Variants in ERI3 observed in about 807,000 individuals in gnomAD.
The protein encoded by ERI3 is ERI1 exoribonuclease family member 3.
In ERI3, 18 loss-of-function variants were observed where a neutral mutation model predicts 44.4. The ratio of observed to expected loss-of-function variants is 0.41; its 90% confidence interval spans 0.28 to 0.60. ERI3 has a LOEUF of 0.60. Ranked by LOEUF, ERI3 falls within the 20% of genes least tolerant of loss-of-function variation. ERI3 has a pLI of 0.36. For missense variants in ERI3, 294 were observed against 435.5 expected, an observed-to-expected ratio of 0.68 and a Z score of 2.89; for synonymous variants, 183 against 164.8, an observed-to-expected ratio of 1.11 and a Z score of -0.84.
At chr1:44,285,383 T>C (rs894267262) in intron 6 of ERI3, among the ~76,000 whole-genome samples, 3 of 152,150 alleles carry the variant, frequency 2.0e-5, no homozygotes, top group East Asian at 1.9e-4. Context: ...GTTTGTTATT[T>C]TGTTACAGCA....
chr1:44,318,426 G>A (rs183344592), intron 4 of ERI3, among the ~76,000 whole-genome samples: 15 of 152,276 alleles, frequency 9.9e-5, no homozygotes, highest in African/African-American at 2.6e-4. Context: ...TCAGATTAGC[G>A]CCCCCTGGTG....
At chr1:44,344,233 C>CAATA (rs10652551) in intron 2 of ERI3, among the ~76,000 whole-genome samples, 34,200 of 142,344 alleles carry the variant, frequency 0.24, 4,239 homozygotes, top group Non-Finnish European at 0.26. Context: ...GACTCCATCT[C>CAATA]AATAAATAAA....
chr1:44,355,146 A>C lies in ERI3; in HGVS notation c.-120T>G, dbSNP rs1319717971. ...GCGGCGGCGGGCGCGGCCCGCGCCG[A>C]CTGCGGCGCCGGCCAGGCAGAGGCA... On this transcript the variant is annotated 5_prime_UTR_variant, in exon 1 of 9. Transcript: ENST00000372257. The C allele has an allele frequency of 1.6e-6, 2 of 1,219,150 alleles. No individual in the cohort carries two copies. The highest frequency in any genetic ancestry group is 6.6e-5 in the East Asian group (2 of 30,118). The allele number at this position is 1,219,150 out of a possible 1,614,324, so 75.5% of individuals were successfully genotyped here.
intron 8 of ERI3, among the ~76,000 whole-genome samples, chr1:44,240,834 C>A (rs1349630246): frequency 6.6e-6 from 1 of 152,150 alleles, no homozygotes; most frequent in Non-Finnish European, 1.5e-5. Context: ...GGTCCAGAAC[C>A]CTGCAGAAGG....
intron 7 of ERI3, chr1:44,284,165 G>A (rs745628670): frequency 4.6e-6 from 2 of 433,538 alleles, no homozygotes; most frequent in Middle Eastern, 3.8e-4. Flanking sequence ...TGCTAGGAAA[G>A]TACAGTTTTC....
At chr1:44,323,639 G>A (rs1443745790) in intron 3 of ERI3, among the ~76,000 whole-genome samples, 2 of 152,220 alleles carry the variant, frequency 1.3e-5, no homozygotes, top group Admixed American at 6.5e-5. Context: ...TGTGGAAAAT[G>A]CAATCGTTTT....
intron 5 of ERI3, among the ~76,000 whole-genome samples, chr1:44,311,630 C>G (rs2154328143): frequency 6.6e-6 from 1 of 152,230 alleles, no homozygotes; most frequent in Non-Finnish European, 1.5e-5. Context: ...ACCACATCTC[C>G]TCCTCGACTG....
Position 44,354,908 on chromosome 1 carries a change from C to T in ERI3, c.119G>A (p.Trp40Ter), listed in dbSNP as rs1447087488. 7.6e-7 allele frequency: 1 copy of T among 1,317,910 alleles called. No individual in the cohort carries two copies. The highest frequency in any genetic ancestry group is 3.0e-5 in the South Asian group (1 of 33,604). 81.6% of individuals were successfully genotyped at this position (1,317,910 alleles called of 1,614,324 possible). The change falls in exon 1 of 9, where the codon TGG (tryptophan) becomes TAG (stop). Residue 40 changes from tryptophan to a stop codon, truncating the protein, a stop_gained. Transcript: ENST00000372257. LOFTEE classifies it high-confidence loss of function. ...TLPWTWMGPSWGQHPGHWGFP... is the reference protein window; with the variant it reads ...TLPWTWMGPS ...ATCACCCACCCCGGGGTGTTGCCCC[C>T]AACTCGGGCCCATCCAAGTCCAGGG...
At position 44,273,370 on chromosome 1, in the gene ERI3, C is replaced by T. The variant is rs72891756; in HGVS notation, c.831+11465G>A. On this transcript the variant is annotated intron_variant, in intron 7 of 8. Coordinates refer to ENST00000372257, the MANE Select transcript of ERI3 (RefSeq NM_024066.3). ...AAGATACATGGTCTGGAGAAAAGAG[C>T]ACACTGACCTGGGTTCAAATGCTAG... Among the ~76,000 whole-genome samples, 989 of 152,328 alleles carry T rather than the reference C, an allele frequency of 6.5e-3. 10 individuals carry two copies. The highest frequency in any genetic ancestry group is 0.023 in the African/African-American group (955 of 41,570).
chr1:44,286,119 C>T (rs1214893909), intron 6 of ERI3, among the ~76,000 whole-genome samples: 2 of 152,096 alleles, frequency 1.3e-5, no homozygotes, highest in African/African-American at 2.4e-5. Context: ...AAGATAGATC[C>T]AAAGAAGTAA....
chr1:44,243,026 A>C (rs987924743), intron 8 of ERI3, among the ~76,000 whole-genome samples: 1 of 152,202 alleles, frequency 6.6e-6, no homozygotes, highest in African/African-American at 2.4e-5. Context: ...TCTCATGGGC[A>C]CTAATGAGAT....
intron 8 of ERI3, among the ~76,000 whole-genome samples, chr1:44,224,469 T>C (rs1248123062): frequency 6.6e-6 from 1 of 152,224 alleles, no homozygotes; most frequent in Non-Finnish European, 1.5e-5. Flanking sequence ...TTTCACCCAC[T>C]GGCTGCATAC....
At chr1:44,312,867 A>C (rs1646002947) in intron 5 of ERI3, among the ~76,000 whole-genome samples, 1 of 152,186 alleles carries the variant, frequency 6.6e-6, no homozygotes, top group Non-Finnish European at 1.5e-5. Context: ...TCCCCAGCCC[A>C]CCCAGCATAG....
chr1:44,255,620 C>A (rs1644765164), intron 7 of ERI3, among the ~76,000 whole-genome samples: 1 of 152,132 alleles, frequency 6.6e-6, no homozygotes, highest in South Asian at 2.1e-4. Context: ...TATTCTATTG[C>A]CTACCTCGAA....
At chr1:44,323,099 C>T (rs1646237770) in intron 3 of ERI3, 1 of 475,140 alleles carries the variant, frequency 2.1e-6, no homozygotes, top group East Asian at 3.9e-5. Flanking sequence ...AAAGTAGCAC[C>T]AGGAAGGAAG....
intron 8 of ERI3, 126 bp downstream of exon 8, chr1:44,247,813 A>C (rs1572104440): frequency 8.9e-5 from 47 of 528,002 alleles, no homozygotes; most frequent in South Asian, 3.5e-4. Context: ...CCATCCCCCC[A>C]CCTATGTAGA....
chr1:44,264,346 G>A (rs1177077649), intron 7 of ERI3, among the ~76,000 whole-genome samples: 3 of 152,032 alleles, frequency 2.0e-5, no homozygotes, highest in Non-Finnish European at 4.4e-5. Context: ...ACACCCATCC[G>A]TTCTGCCCCC....
intron 6 of ERI3, 47 bp downstream of exon 6, chr1:44,308,263 C>G (rs1645881998): frequency 7.2e-7 from 1 of 1,391,614 alleles, no homozygotes; most frequent in Admixed American, 1.7e-5. Flanking sequence ...AGACCTGGTC[C>G]CACAGATTCC....
intron 6 of ERI3, among the ~76,000 whole-genome samples, chr1:44,304,277 AAAG>A (rs1645788312): frequency 6.6e-6 from 1 of 152,190 alleles, no homozygotes; most frequent in African/African-American, 2.4e-5. Context: ...AAGCTATGGC[AAAG>A]ACGAGATCAC....
Sources: allele counts gnomAD v4.1 joint callset (sites outside exome capture counted in the v4.1 genomes callset), GRCh38; gene constraint gnomAD v4.1.1; transcripts MANE v1.5; gene names NCBI Gene and HGNC (gene_info 2026-07-23, HGNC 2026-07-21).